The following MAPK8IP2 variants were observed in gnomAD, a reference collection of about 807,000 sequenced individuals.
MAPK8IP2 encodes the protein mitogen-activated protein kinase 8 interacting protein 2, also known as C-Jun-amino-terminal kinase-interacting protein 2.
MAPK8IP2 carries 15 observed loss-of-function variants against 75.6 expected under a neutral mutation model. The ratio of observed to expected loss-of-function variants is 0.20; its 90% CI spans 0.13 to 0.31. The LOEUF is 0.31. Among genes scored for constraint, MAPK8IP2 ranks in the 10% least tolerant of loss-of-function variants. The probability of loss-of-function intolerance (pLI) is 1.00; values close to 1 mark genes in which losing one functional copy is unlikely to be tolerated. For synonymous variants in MAPK8IP2, 632 were observed against 554.5 expected (o/e 1.14, Z -1.96); for missense variants, 1,089 against 1,211.2 (o/e 0.90, Z 1.50).
chr22:50,604,442 G>T lies in MAPK8IP2; in HGVS notation c.1143G>T (p.Gly381=). Residue 381 remains glycine, a synonymous_variant, in exon 5 of 12, where the codon GGG becomes GGT. Transcript: ENST00000329492. ...TGTCTCCTGCGCCGCGCCCGCCCGG[G>T]GAGCCCGTGTCGCCGGCCGGCGGGG... The part of the protein sequence containing the change: ...QCLSPAPRPP[G]EPVSPAGGAA... The T allele has an allele frequency of 1.4e-6, 2 of 1,408,704 alleles. No individual in the cohort carries two copies. The highest frequency in any genetic ancestry group is 9.2e-7 in the Non-Finnish European group (1 of 1,085,802). The allele number at this position is 1,408,704 out of a possible 1,614,324, so 87.3% of individuals were successfully genotyped here. A position where few individuals can be genotyped will look rare whatever the true frequency, so the allele number is the denominator to read the frequency against.
intron 10 of MAPK8IP2, chr22:50,609,576 A>G: frequency 2.8e-6 from 1 of 359,666 alleles, no homozygotes; most frequent in South Asian, 2.1e-5. Flanking sequence ...GCCATGGGGG[A>G]ATGGACGGGT....
Position 50,610,088 on chromosome 22 carries a change from C to A in MAPK8IP2, c.2304-124C>A, listed in dbSNP as rs1309213252. Reference sequence around the variant, plus strand: ...TCAGATCTTGAAATTGTGCGACCCCCACACTCCTGTCCCTTACCCTCTCCC... The same window carrying A: ...TCAGATCTTGAAATTGTGCGACCCCAACACTCCTGTCCCTTACCCTCTCCC... On this transcript the variant is annotated intron_variant, in intron 10 of 11. Coordinates refer to ENST00000329492, the MANE Select transcript of MAPK8IP2 (RefSeq NM_012324.6). This position sits in a 1 kb window ranked among gnomAD's most constrained non-coding sequence, Gnocchi z 4.3. The A allele has an allele frequency of 2.6e-6, 2 of 757,480 alleles. No individual in the cohort carries two copies. The highest frequency in any genetic ancestry group is 2.3e-6 in the Non-Finnish European group (1 of 432,022). The allele number at this position is 757,480 out of a possible 1,614,324, so 46.9% of individuals were successfully genotyped here. A position where few individuals can be genotyped will look rare whatever the true frequency, so the allele number is the denominator to read the frequency against.
chr22:50,604,733 AGAG>A lies in MAPK8IP2; in HGVS notation c.1440_1442del (p.Glu480del), dbSNP rs1828355549. 6.5e-7 allele frequency: 1 copy of A among 1,534,842 alleles called. No individual in the cohort carries two copies. The highest frequency in any genetic ancestry group is 8.8e-7 in the Non-Finnish European group (1 of 1,140,386). Reference sequence around the variant, plus strand: ...AGGAGGACGAAGAGGACGACGAGGAAGAGGAGGATGCCGAGGACAGTGCGGGGT... The same window carrying A: ...AGGAGGACGAAGAGGACGACGAGGAAGAGGATGCCGAGGACAGTGCGGGGT... On this transcript the variant is annotated inframe_deletion, in exon 5 of 12. Coordinates refer to ENST00000329492, the MANE Select transcript of MAPK8IP2 (RefSeq NM_012324.6).
chr22:50,612,572 G>A lies in MAPK8IP2; in HGVS notation c.*1793G>A, dbSNP rs2071165953. 1 of 152,382 alleles carries A rather than the reference G, an allele frequency of 6.6e-6. No homozygotes were observed. The highest frequency in any genetic ancestry group is 1.5e-5 in the Non-Finnish European group (1 of 68,078). The allele number at this position is 152,382 out of a possible 1,614,324, so 9.4% of individuals were successfully genotyped here. A position where few individuals can be genotyped will look rare whatever the true frequency, so the allele number is the denominator to read the frequency against. On this transcript the variant is annotated 3_prime_UTR_variant, in exon 12 of 12. Coordinates refer to ENST00000329492, the MANE Select transcript of MAPK8IP2 (RefSeq NM_012324.6). ...GATCCAGAGGTTCAGCCCGTGTGCA[G>A]CGCACAGACCTGAGGCCCCAGAGAG...
At position 50,610,904 on chromosome 22, in the gene MAPK8IP2, G is replaced by A. The variant is rs549909912; in HGVS notation, c.*125G>A. 3.8e-6 allele frequency: 3 copies of A among 793,366 alleles called. No homozygotes were observed. In the East Asian group the frequency reaches 8.6e-5, roughly 23 times the overall value. The allele number at this position is 793,366 out of a possible 1,614,324, so 49.1% of individuals were successfully genotyped here. On this transcript the variant is annotated 3_prime_UTR_variant, in exon 12 of 12. Transcript: ENST00000329492. This position sits in a 1 kb window ranked among gnomAD's most constrained non-coding sequence, Gnocchi z 4.3. The stretch of plus-strand genomic sequence containing the variant: ...GGGACATGGGACCTTACGCTTGTGG[G>A]GGTCTGCGGGCTGGGAACTCTCGTC...
At position 50,608,446 on chromosome 22, in the gene MAPK8IP2, C is replaced by T. The variant is rs555774258; in HGVS notation, c.2303+1455C>T. ...GGGGTCACCAGGACAGCGAACGGGGCGCAGACCAGACAGCAGGGACAGCTC... is the reference window on the plus strand; with the variant it reads ...GGGGTCACCAGGACAGCGAACGGGGTGCAGACCAGACAGCAGGGACAGCTC... On this transcript the variant is annotated intron_variant, in intron 10 of 11. Coordinates refer to ENST00000329492, the MANE Select transcript of MAPK8IP2 (RefSeq NM_012324.6). Among the ~76,000 whole-genome samples, 326 of 94,678 alleles carry T rather than the reference C, an allele frequency of 3.4e-3. 2 individuals are homozygous for T. Among genetic ancestry groups the T allele is most frequent in the Admixed American group, 4.1e-3 (33 of 7,998 alleles). The allele number at this position is 94,678 out of a possible 152,430, so 62.1% of individuals were successfully genotyped here.
chr22:50,601,514 GGAGGGAGGA>G (rs2070937473), intron 1 of MAPK8IP2: 2 of 417,216 alleles, frequency 4.8e-6, no homozygotes, highest in Non-Finnish European at 9.0e-6. Context: ...AGCTGCGAGT[GGAGGGAGGA>G]GAGGCTGCTG....
intron 2 of MAPK8IP2, 69 bp from the exon 3 acceptor site, chr22:50,603,154 C>T (rs2070964764): frequency 6.2e-7 from 1 of 1,609,448 alleles, no homozygotes; most frequent in Middle Eastern, 1.7e-4. Context: ...TTTCCCTTCT[C>T]CTAGCACCTG....
Position 50,604,137 on chromosome 22 carries a change from A to G in MAPK8IP2, c.838A>G (p.Ser280Gly), listed in dbSNP as rs747786942. 17 of 1,556,082 alleles carry G rather than the reference A, an allele frequency of 1.1e-5. No homozygotes were observed. The highest frequency in any genetic ancestry group is 1.5e-5 in the Non-Finnish European group (17 of 1,159,960). Residue 280 changes from serine (S) to glycine (G), a missense_variant, in exon 5 of 12, where the codon AGC becomes GGC. Physicochemically the swap from Ser to Gly is moderately conservative, Grantham distance 56. Around this residue, in one of 2 missense-constraint regions of MAPK8IP2, gnomAD observed 960 missense variants for 1,009.6 expected, o/e 0.95. Transcript: ENST00000329492. ...CTCGGAGACGGAGCTGGAGCTGAGCAGCGATGGCGGAAGCAGCAGCAGCGG... is the reference window on the plus strand; with the variant it reads ...CTCGGAGACGGAGCTGGAGCTGAGCGGCGATGGCGGAAGCAGCAGCAGCGG... Reference protein sequence around the residue: ...SISETELELSSDGGSSSSGRS... With the variant: ...SISETELELSGDGGSSSSGRS...
rs1260787631 is a variant in MAPK8IP2 at position 50,603,880 on chromosome 22, G to T, written c.581G>T (p.Gly194Val). Residue 194 changes from glycine (G) to valine (V), a missense_variant, in exon 5 of 12, where the codon GGC (glycine) becomes GTC (valine). By Grantham distance (109) the Gly-to-Val change is moderately radical (BLOSUM62 -3). This residue lies in a region of MAPK8IP2 where 960 missense variants were observed against 1,009.6 expected (regional missense o/e 0.95). Transcript: ENST00000329492. ...CTCCCTGCCACGGACACCGGGCCCGGCGGGGCGCAGTCGCCAGTGCGCCCG... is the reference window on the plus strand; with the variant it reads ...CTCCCTGCCACGGACACCGGGCCCGTCGGGGCGCAGTCGCCAGTGCGCCCG... ...GPLPATDTGPGGAQSPVRPGC... is the reference protein window; with the variant it reads ...GPLPATDTGPVGAQSPVRPGC... 8 of 1,534,868 alleles carry T rather than the reference G, an allele frequency of 5.2e-6. No individual in the cohort carries two copies. The highest frequency in any genetic ancestry group is 7.0e-6 in the Non-Finnish European group (8 of 1,143,280).
Position 50,603,953 on chromosome 22 carries a change from G to A in MAPK8IP2, c.654G>A (p.Gly218=), listed in dbSNP as rs1160444827. ...GNRPAEPPAP[G]GTSPSSDPGI... Reference sequence around the variant, plus strand: ...GGCCTGCGGAACCCCCTGCGCCAGGGGGGACTTCGCCCTCCTCAGATCCCG... The same window carrying A: ...GGCCTGCGGAACCCCCTGCGCCAGGAGGGACTTCGCCCTCCTCAGATCCCG... Residue 218 remains glycine, a synonymous_variant, in exon 5 of 12, where the codon GGG becomes GGA. Coordinates refer to ENST00000329492, the MANE Select transcript of MAPK8IP2 (RefSeq NM_012324.6). 1.3e-6 allele frequency: 2 copies of A among 1,548,330 alleles called. No homozygotes were observed. Among genetic ancestry groups the A allele is most frequent in the South Asian group, 2.4e-5 (2 of 84,706 alleles).
intron 3 of MAPK8IP2, 22 bp downstream of exon 3, chr22:50,603,520 T>C: frequency 3.2e-6 from 5 of 1,566,136 alleles, no homozygotes; most frequent in Non-Finnish European, 4.3e-6. Flanking sequence ...GACCCACAGC[T>C]CCCTGGAGCT....
At chr22:50,609,455 C>T (rs1050495616) in intron 10 of MAPK8IP2, among the ~76,000 whole-genome samples, 12 of 152,280 alleles carry the variant, frequency 7.9e-5, no homozygotes, top group East Asian at 5.8e-4. Context: ...ATGACTTGAA[C>T]GCGGCATTTG....
intron 4 of MAPK8IP2, 56 bp from the exon 5 acceptor site, chr22:50,603,785 T>A: frequency 6.5e-7 from 1 of 1,538,712 alleles, no homozygotes; most frequent in Non-Finnish European, 8.8e-7. Flanking sequence ...ATGGACTGGC[T>A]GCTGGAAGAG....
chr22:50,608,550 T>C (rs1372712957), intron 10 of MAPK8IP2, among the ~76,000 whole-genome samples: 20 of 91,190 alleles, frequency 2.2e-4, no homozygotes, highest in South Asian at 4.3e-4. Context: ...GGTGGGACAG[T>C]GGGCAGGGGC....
chr22:50,604,961 A>T lies in MAPK8IP2; in HGVS notation c.1662A>T (p.Leu554=). The change falls in exon 5 of 12, where the codon CTA becomes CTT. Residue 554 remains leucine (L), a synonymous_variant. Coordinates refer to ENST00000329492, the MANE Select transcript of MAPK8IP2 (RefSeq NM_012324.6). ...ASEEEAGAAL[L]GGGQVSGDTS... ...AGGAGGAGGCGGGCGCGGCGCTGCT[A>T]GGCGGCGGTCAGGTCTCGGGGGACA... 1 of 1,611,864 alleles carries T rather than the reference A, an allele frequency of 6.2e-7. No homozygotes were observed. Among genetic ancestry groups the T allele is most frequent in the Non-Finnish European group, 8.5e-7 (1 of 1,179,670 alleles).
Position 50,600,805 on chromosome 22 carries a change from CT to C in MAPK8IP2, c.-13del. On this transcript the variant is annotated 5_prime_UTR_variant, in exon 1 of 12. Transcript: ENST00000329492. ...CGCACCCCCCGCCGCAGTCGCGGGC[CT>C]CTCCCGGAGAAGATGGCGGATCGCG... The C allele has an allele frequency of 7.9e-7, 1 of 1,261,588 alleles. No homozygotes were observed. Among genetic ancestry groups the C allele is most frequent in the Non-Finnish European group, 1.0e-6 (1 of 976,144 alleles). 78.1% of individuals were successfully genotyped at this position (1,261,588 alleles called of 1,614,324 possible).
chr22:50,610,636 G>A lies in MAPK8IP2; in HGVS notation c.2403-71G>A, dbSNP rs1447392597. The A allele has an allele frequency of 8.0e-7, 1 of 1,248,776 alleles. No homozygotes were observed. The highest frequency in any genetic ancestry group is 1.5e-5 in the African/African-American group (1 of 67,446). The allele number at this position is 1,248,776 out of a possible 1,614,324, so 77.4% of individuals were successfully genotyped here. On this transcript the variant is annotated intron_variant, in intron 11 of 11. Transcript: ENST00000329492. The surrounding 1 kb of genome is among the most constrained non-coding windows in gnomAD (Gnocchi z 4.3). Reference sequence around the variant, plus strand: ...AGGGAGGAAGGAGGGAGAGCTCAGAGGCTCTGTGGAAGGCAGTTTGGGGGT... The same window carrying A: ...AGGGAGGAAGGAGGGAGAGCTCAGAAGCTCTGTGGAAGGCAGTTTGGGGGT...
At chr22:50,605,298 C>T (rs2071028951) in intron 5 of MAPK8IP2, 70 bp from the exon 6 acceptor site, 8 of 1,469,570 alleles carry the variant, frequency 5.4e-6, no homozygotes, top group Non-Finnish European at 7.5e-6. Flanking sequence ...CTGCCCAAGG[C>T]CAGGCCTCTA....
Sources: allele counts gnomAD v4.1 joint callset (sites outside exome capture counted in the v4.1 genomes callset), GRCh38; gene constraint gnomAD v4.1.1; regional missense constraint gnomAD v4.1.1; non-coding constraint Gnocchi (gnomAD v3.1); transcripts MANE v1.5; gene names NCBI Gene and HGNC (gene_info 2026-07-23, HGNC 2026-07-21).